KDM5C: variants seen among roughly 807,000 people sequenced by gnomAD.
The protein encoded by KDM5C is lysine demethylase 5C, also known as lysine-specific demethylase 5C.
Under a neutral mutation model 110.6 loss-of-function variants are expected in KDM5C, and 16 were observed. The observed-to-expected ratio is 0.14, with a 90% CI of 0.10 to 0.22. The LOEUF is 0.22. Among genes scored for constraint, KDM5C ranks in the 10% least tolerant of loss-of-function variants. The pLI is 1.00. For missense variants in KDM5C, 681 were observed against 1,300.9 expected (o/e 0.52, Z 7.33); for synonymous variants, 511 against 520.4 (o/e 0.98, Z 0.24).
intron 25 of KDM5C, among the ~76,000 whole-genome samples, chrX:53,183,863 G>A (rs899851489): frequency 1.8e-5 from 2 of 111,580 alleles, no homozygotes; most frequent in East Asian, 2.8e-4. Flanking sequence ...ATAAGCAACC[G>A]CACCCCGCTA....
Position 53,184,017 on chromosome X carries a change from CTTTAA to C in KDM5C, c.4309-7400_4309-7396del, listed in dbSNP as rs200879030. On this transcript the variant is annotated intron_variant, in intron 25 of 25. Coordinates refer to the KDM5C transcript ENST00000685641. ...GAGATGCCTTTCCATTTCTTTAGAT[CTTTAA>C]TTTCTTTCACCAATGTTTCATGGTT... Among the ~76,000 whole-genome samples the C allele has an allele frequency of 4.2e-3, 474 of 112,005 alleles. 3 individuals carry two copies. Among genetic ancestry groups the C allele is most frequent in the African/African-American group, 0.014 (446 of 30,874 alleles).
At chrX:53,223,210 C>T (rs1436281101) in intron 1 of KDM5C, among the ~76,000 whole-genome samples, 1 of 111,600 alleles carries the variant, frequency 9.0e-6, no homozygotes, top group African/African-American at 3.3e-5. Flanking sequence ...CAACTACCCC[C>T]TACGTCAGCT....
intron 14 of KDM5C, 31 bp downstream of exon 14, chrX:53,201,519 T>G: frequency 8.4e-7 from 1 of 1,196,005 alleles, no homozygotes. Context: ...TCCACCAGAA[T>G]AGGGTGCTTG....
Position 53,211,671 on chromosome X carries a change from TAGC to T in KDM5C, c.1243-19_1243-17del, listed in dbSNP as rs782141091. Reference sequence around the variant, plus strand: ...TGGGCACCATCTGGGGGAAGACAGGTAGCAGATGACTATGGCCCATCACACCCT... The same window carrying T: ...TGGGCACCATCTGGGGGAAGACAGGTAGATGACTATGGCCCATCACACCCT... On this transcript the variant is annotated splice_polypyrimidine_tract_variant and intron_variant, in intron 9 of 25. Transcript: ENST00000375401. 8.3e-7 allele frequency: 1 copy of T among 1,211,161 alleles called. No individual in the cohort carries two copies. The highest frequency in any genetic ancestry group is 3.0e-5 in the East Asian group (1 of 33,828).
At chrX:53,213,247 G>C (rs782480997) in intron 8 of KDM5C, among the ~76,000 whole-genome samples, 1 of 111,700 alleles carries the variant, frequency 9.0e-6, no homozygotes, top group Admixed American at 9.5e-5. Context: ...AGAGAAGAGA[G>C]TCAAGTAGAG....
intron 14 of KDM5C, among the ~76,000 whole-genome samples, chrX:53,199,587 C>G (rs1429744883): frequency 8.9e-6 from 1 of 111,743 alleles, no homozygotes; most frequent in Admixed American, 9.5e-5. Flanking sequence ...AGGCACCACG[C>G]TGGCCACTTA....
At chrX:53,209,325 G>C (rs1396046724) in intron 12 of KDM5C, among the ~76,000 whole-genome samples, 3 of 110,961 alleles carry the variant, frequency 2.7e-5, no homozygotes, top group African/African-American at 9.8e-5. Context: ...TGCCTGAACT[G>C]TTATAGGACA....
At chrX:53,220,991 T>C (rs1164394748) in intron 1 of KDM5C, 75 bp from the exon 2 acceptor site, 1 of 909,486 alleles carries the variant, frequency 1.1e-6, no homozygotes, top group African/African-American at 2.0e-5. Context: ...CAAAAGCAGC[T>C]CGGAATCCCA....
At chrX:53,188,073 C>T (rs1934282407), downstream of KDM5C, among the ~76,000 whole-genome samples, 1 of 111,726 alleles carries the variant, frequency 9.0e-6, no homozygotes, top group Non-Finnish European at 1.9e-5. Flanking sequence ...AAACAATTGT[C>T]TCACAAATCT....
chrX:53,204,686 C>T (rs1556844332), intron 12 of KDM5C, among the ~76,000 whole-genome samples: 2 of 111,300 alleles, frequency 1.8e-5, no homozygotes, highest in East Asian at 2.8e-4. Context: ...TTGTTAGAGA[C>T]GGGGTTTCAC....
At chrX:53,208,684 T>TA (rs2146905378) in intron 12 of KDM5C, among the ~76,000 whole-genome samples, 1 of 105,945 alleles carries the variant, frequency 9.4e-6, no homozygotes, top group South Asian at 4.3e-4. Flanking sequence ...TCTGTATTTT[T>TA]ATTAGAGACG....
rs2073797732 is a variant in KDM5C at position 53,218,075 on chromosome X, C to A, written c.352-109G>T. On this transcript the variant is annotated intron_variant, in intron 3 of 25. Transcript: ENST00000375401. ...CAATGAGGGCAACTCTAGTCCCTCA[C>A]TTCACTGGGGGCTATCCCCTTATCC... 3.3e-6 allele frequency: 3 copies of A among 915,695 alleles called. No individual in the cohort carries two copies. The East Asian group carries it at 9.9e-5, about 30-fold the overall frequency. 75.5% of individuals were successfully genotyped at this position (915,695 alleles called of 1,213,427 possible). A position where few individuals can be genotyped will look rare whatever the true frequency, so the allele number is the denominator to read the frequency against.
rs1934580604 is a variant in KDM5C at position 53,193,535 on chromosome X, C to A, written c.4219G>T (p.Asp1407Tyr). The part of the protein sequence containing the change: ...APLEELMMEG[D>Y]LLEVTLDENH... ...TCATCCAGGGTCACCTCGAGCAGGT[C>A]CCCCTCCATCATGAGCTCCTCCAAG... is the stretch of plus-strand genomic sequence containing the variant. The change falls in exon 25 of 26, where the codon GAC (aspartate) becomes TAC (tyrosine). Residue 1407 changes from aspartate to tyrosine, a missense_variant. Asp to Tyr is a radical substitution (Grantham distance 160). Transcript: ENST00000375401. 8.3e-7 allele frequency: 1 copy of A among 1,211,949 alleles called. No homozygotes were observed. Among genetic ancestry groups the A allele is most frequent in the Non-Finnish European group, 1.1e-6 (1 of 895,441 alleles).
intron 2 of KDM5C, 54 bp from the exon 3 acceptor site, chrX:53,218,452 CT>C (rs1251721690): frequency 1.4e-5 from 17 of 1,181,918 alleles, no homozygotes; most frequent in Non-Finnish European, 1.7e-5. Flanking sequence ...TGACCACTAT[CT>C]TTGGGTCCAG....
intron 25 of KDM5C, among the ~76,000 whole-genome samples, chrX:53,179,815 T>C (rs782094936): frequency 7.1e-5 from 8 of 111,948 alleles, no homozygotes; most frequent in East Asian, 2.8e-4. Flanking sequence ...CAACGGGAAC[T>C]CTCATTCATT....
At chrX:53,199,231 G>A (rs1164688641) in intron 14 of KDM5C, 73 bp from the exon 15 acceptor site, 23 of 1,043,874 alleles carry the variant, frequency 2.2e-5, no homozygotes, top group South Asian at 1.7e-4. Flanking sequence ...AGCCACCACC[G>A]ACCCCTACTT....
At chrX:53,216,925 CA>C (rs782705610) in intron 5 of KDM5C, among the ~76,000 whole-genome samples, 61 of 112,360 alleles carry the variant, frequency 5.4e-4, no homozygotes, top group Non-Finnish European at 1.1e-3. Flanking sequence ...AGCAGACATA[CA>C]AAAGAGGTTG....
chrX:53,210,628 G>A (rs1556848293), intron 11 of KDM5C, 48 bp downstream of exon 11: 1 of 1,210,152 alleles, frequency 8.3e-7, no homozygotes, highest in African/African-American at 1.7e-5. Flanking sequence ...TGGTCATGCA[G>A]GGAGCCCACA....
chrX:53,192,540 A>C lies in KDM5C; in HGVS notation c.*427T>G. 2.8e-6 allele frequency: 1 copy of C among 355,734 alleles called. No individual in the cohort carries two copies. The highest frequency in any genetic ancestry group is 5.0e-6 in the Non-Finnish European group (1 of 198,612). 29.3% of individuals were successfully genotyped at this position (355,734 alleles called of 1,213,427 possible). A position where few individuals can be genotyped will look rare whatever the true frequency, so the allele number is the denominator to read the frequency against. ...GGGAGAAGGGGGTAGGAAGGAAGGA[A>C]AAGAGGGGAGGAGAGTGGGGGCAGG... is the stretch of plus-strand genomic sequence containing the variant. On this transcript the variant is annotated 3_prime_UTR_variant, in exon 26 of 26. Transcript: ENST00000375401.
Sources: allele counts gnomAD v4.1 joint callset (sites outside exome capture counted in the v4.1 genomes callset), GRCh38; gene constraint gnomAD v4.1.1; transcripts MANE v1.5; gene names NCBI Gene and HGNC (gene_info 2026-07-23, HGNC 2026-07-21).